The following ABCC12 variants were observed in gnomAD, a reference collection of about 807,000 sequenced individuals.
ABCC12 encodes ATP binding cassette subfamily C member 12.
In ABCC12, 142 loss-of-function variants were observed where a neutral mutation model predicts 151.1. The ratio of observed to expected loss-of-function variants is 0.94; its 90% CI spans 0.82 to 1.08. ABCC12 has a LOEUF of 1.08. ABCC12 is among the 50% of genes least tolerant of loss of function. The pLI, the probability that ABCC12 is intolerant of heterozygous loss-of-function variation, is 0.00. For missense variants in ABCC12, 1,638 were observed against 1,691.1 expected (o/e 0.97, Z 0.55); for synonymous variants, 645 against 646.4 (o/e 1.00, Z 0.03).
chr16:48,139,388 T>C (rs1209825609), intron 6 of ABCC12, 52 bp from the exon 7 acceptor site: 1 of 1,533,722 alleles, frequency 6.5e-7, no homozygotes, highest in Non-Finnish European at 8.8e-7. Flanking sequence ...GTCAAACATG[T>C]CTTTAAATGA....
chr16:48,088,152 T>G, intron 26 of ABCC12, 67 bp from the exon 27 acceptor site: 1 of 1,538,662 alleles, frequency 6.5e-7, no homozygotes, highest in Non-Finnish European at 8.9e-7. Context: ...ATCCAAGCAT[T>G]TAATCAGTGG....
chr16:48,106,513 G>A (rs1963497302), intron 20 of ABCC12, among the ~76,000 whole-genome samples: 1 of 152,248 alleles, frequency 6.6e-6, no homozygotes, highest in South Asian at 2.1e-4. Context: ...GGCTCTCCAA[G>A]GACAGGGCTC....
chr16:48,108,325 G>A lies in ABCC12; in HGVS notation c.2371+115C>T, dbSNP rs542044026. ...GAAAAAATAAAAGCATTGATAAATG[G>A]CCCTAGCATAAACAGAATAATTGTT... On this transcript the variant is annotated intron_variant, in intron 19 of 30. Transcript: ENST00000311303. 10 of 898,208 alleles carry A rather than the reference G, an allele frequency of 1.1e-5. No homozygotes were observed. In the African/African-American group the frequency reaches 1.5e-4, roughly 14 times the overall value. 55.6% of individuals were successfully genotyped at this position (898,208 alleles called of 1,614,324 possible). A position where few individuals can be genotyped will look rare whatever the true frequency, so the allele number is the denominator to read the frequency against.
At chr16:48,101,099 G>T in intron 22 of ABCC12, 90 bp from the exon 23 acceptor site, 13 of 1,460,034 alleles carry the variant, frequency 8.9e-6, no homozygotes, top group Non-Finnish European at 1.2e-5. Context: ...TAGGCACTCA[G>T]CACAGTGCTT....
intron 9 of ABCC12, among the ~76,000 whole-genome samples, chr16:48,131,617 C>T (rs1403770055): frequency 6.6e-6 from 1 of 152,160 alleles, no homozygotes; most frequent in African/African-American, 2.4e-5. Flanking sequence ...TCGGTTGGTG[C>T]CCCGGGGGTA....
chr16:48,085,877 G>A (rs1962575532), intron 28 of ABCC12, among the ~76,000 whole-genome samples, 171 bp from the exon 29 acceptor site: 1 of 152,190 alleles, frequency 6.6e-6, no homozygotes, highest in Non-Finnish European at 1.5e-5. Flanking sequence ...ACCAGGGAAA[G>A]ACCAGGGAGT....
rs754751868 is a variant in ABCC12, at chr16:48,121,742, G to T, written c.1686C>A (p.Leu562=). The T allele has an allele frequency of 1.2e-6, 2 of 1,614,122 alleles. No individual in the cohort carries two copies. The highest frequency in any genetic ancestry group is 2.2e-5 in the South Asian group (2 of 91,078). Residue 562 remains leucine, a synonymous_variant, in exon 13 of 31, where the codon CTC becomes CTA. Transcript: ENST00000311303. ...IFHGNVRENI[L]FGEKYDHQRY... The stretch of plus-strand genomic sequence containing the variant: ...TTTGGTGATCATACTTTTCTCCAAA[G>T]AGTATGTTTTCTCTCACATTTCCAT...
At chr16:48,139,543 C>T (rs1268028084) in intron 6 of ABCC12, among the ~76,000 whole-genome samples, 1 of 152,152 alleles carries the variant, frequency 6.6e-6, no homozygotes, top group Non-Finnish European at 1.5e-5. Context: ...CTGATCATCT[C>T]AATGCAGAAA....
At position 48,128,688 on chromosome 16, in the gene ABCC12, T is replaced by A. The variant is rs758914125; in HGVS notation, c.1286A>T (p.Asp429Val). 23 of 1,614,028 alleles carry A rather than the reference T, an allele frequency of 1.4e-5. No homozygotes were observed. The highest frequency in any genetic ancestry group is 1.4e-5 in the Non-Finnish European group (17 of 1,180,024). The change falls in exon 11 of 31, where the codon GAC becomes GTC. Residue 429 changes from aspartate (D) to valine (V), a missense_variant. Asp to Val is a radical substitution (Grantham distance 152). Transcript: ENST00000311303. ...SPPSYITQPE[D>V]PDTVLLLANA... ...TGCTAAAAGCAAGACAGTATCTGGG[T>A]CTTCTGGTTGGGTGATGTAAGATGG...
chr16:48,122,949 T>G (rs1964121167), intron 12 of ABCC12, among the ~76,000 whole-genome samples: 1 of 152,222 alleles, frequency 6.6e-6, no homozygotes, highest in Non-Finnish European at 1.5e-5. Context: ...AGAGGTTAAG[T>G]TACCTGCCCA....
rs767290200 is a variant in ABCC12, at chr16:48,083,746, G to A, written c.4049C>T (p.Ala1350Val). Residue 1350 changes from alanine to valine, a missense_variant, in exon 31 of 31, where the codon GCG (alanine) becomes GTG (valine). Physicochemically the swap from Ala to Val is moderately conservative, Grantham distance 64. Transcript: ENST00000311303. Reference sequence around the variant, plus strand: ...TCTGACTTCTGCTGCTAGTAACATCGCAAATGCAGAATCTGGCTTCTCTGC... The same window carrying A: ...TCTGACTTCTGCTGCTAGTAACATCACAAATGCAGAATCTGGCTTCTCTGC... ...VLAEKPDSAFAMLLAAEVRL is the reference protein window; with the variant it reads ...VLAEKPDSAFVMLLAAEVRL 19 of 1,614,030 alleles carry A rather than the reference G, an allele frequency of 1.2e-5. No individual in the cohort carries two copies. Among genetic ancestry groups the A allele is most frequent in the Admixed American group, 3.3e-5 (2 of 60,008 alleles).
chr16:48,129,129 C>T (rs1425719051), intron 10 of ABCC12, among the ~76,000 whole-genome samples: 1 of 152,210 alleles, frequency 6.6e-6, no homozygotes, highest in Non-Finnish European at 1.5e-5. Flanking sequence ...GCCACTCAGC[C>T]CAGTTCAACA....
intron 3 of ABCC12, among the ~76,000 whole-genome samples, chr16:48,145,251 T>C (rs1394421421): frequency 6.6e-6 from 1 of 152,182 alleles, no homozygotes; most frequent in African/African-American, 2.4e-5. Context: ...CCGCTTATTA[T>C]AGAGTTGCCA....
At chr16:48,099,721 T>C (rs947696633) in intron 23 of ABCC12, among the ~76,000 whole-genome samples, 7 of 152,208 alleles carry the variant, frequency 4.6e-5, no homozygotes, top group African/African-American at 1.7e-4. Context: ...TCCTCCTTCC[T>C]GGCCTCTCGC....
chr16:48,147,223 T>C (rs761791769), intron 2 of ABCC12, among the ~76,000 whole-genome samples: 1 of 152,008 alleles, frequency 6.6e-6, no homozygotes, highest in Non-Finnish European at 1.5e-5. Flanking sequence ...AGCCACCCCA[T>C]CCTCCAGCCA....
intron 1 of ABCC12, 22 bp from the exon 2 acceptor site, chr16:48,153,906 T>C (rs1965149654): frequency 1.3e-5 from 2 of 152,348 alleles, no homozygotes; most frequent in South Asian, 4.1e-4. Flanking sequence ...AATGAGACTT[T>C]TTTTAAAATC....
Position 48,107,442 on chromosome 16 carries a change from G to A in ABCC12, c.2372-17C>T. On this transcript the variant is annotated splice_polypyrimidine_tract_variant and intron_variant, in intron 19 of 30. Coordinates refer to ENST00000311303, the MANE Select transcript of ABCC12 (RefSeq NM_001393797.1). ...GGAGGTACCCTGCAAGAGGAGCGGA[G>A]AGGCCCAAGGGGCTGCAGACATGAG... 6.2e-7 allele frequency: 1 copy of A among 1,608,726 alleles called. No individual in the cohort carries two copies. Among genetic ancestry groups the A allele is most frequent in the South Asian group, 1.1e-5 (1 of 90,976 alleles).
intron 19 of ABCC12, 64 bp downstream of exon 19, chr16:48,108,376 A>G (rs1963570618): frequency 7.0e-7 from 1 of 1,418,840 alleles, no homozygotes. Context: ...CGTGAACCCA[A>G]CAGTTTAAGA....
chr16:48,099,343 G>A (rs937460325), intron 23 of ABCC12, among the ~76,000 whole-genome samples: 3 of 152,132 alleles, frequency 2.0e-5, no homozygotes, highest in African/African-American at 7.2e-5. Context: ...GTTGCAATGA[G>A]CCGAGATGAT....
Sources: gnomAD v4.1 joint callset for allele counts (sites outside exome capture counted in the v4.1 genomes callset) on GRCh38, gnomAD v4.1.1 for gene constraint, MANE v1.5 for transcripts, NCBI Gene and HGNC (gene_info 2026-07-23, HGNC 2026-07-21) for gene names.